Variants in APOO observed in about 807,000 individuals in gnomAD.
APOO encodes apolipoprotein O.
A neutral mutation model predicts 23.1 loss-of-function variants in APOO; 11 were observed. The observed-to-expected ratio is 0.48, with a 90% CI of 0.30 to 0.79. The LOEUF is 0.79. APOO is among the 30% of genes least tolerant of loss of function. The pLI is 0.07. For synonymous variants in APOO, 59 were observed against 54.8 expected, an observed-to-expected ratio of 1.08 and a Z score of -0.34; for missense variants, 160 against 142.7, an observed-to-expected ratio of 1.12 and a Z score of -0.62.
chrX:23,840,491 G>A (rs920681054), intron 7 of APOO, 114 bp from the exon 8 acceptor site: 19 of 628,496 alleles, frequency 3.0e-5, no homozygotes, highest in Non-Finnish European at 4.0e-5. Context: ...GGGGGACAGG[G>A]TCAAACCATT....
At chrX:23,847,964 C>T (rs1764710640) in intron 7 of APOO, among the ~76,000 whole-genome samples, 1 of 108,827 alleles carries the variant, frequency 9.2e-6, no homozygotes, top group African/African-American at 3.3e-5. Context: ...GCAACCTCCG[C>T]CTCCTGGGTT....
chrX:23,843,799 G>T (rs1267835771), intron 7 of APOO, among the ~76,000 whole-genome samples: 1 of 110,718 alleles, frequency 9.0e-6, no homozygotes, highest in East Asian at 2.8e-4. Flanking sequence ...GGCCAGGCTG[G>T]TCTCAAGCTC....
At chrX:23,842,160 G>C (rs1262444798) in intron 7 of APOO, among the ~76,000 whole-genome samples, 2 of 111,380 alleles carry the variant, frequency 1.8e-5, no homozygotes, top group Non-Finnish European at 3.8e-5. Context: ...AGGCCGAGGC[G>C]GGTGGATCAC....
At chrX:23,861,021 T>A (rs1466263686) in intron 5 of APOO, among the ~76,000 whole-genome samples, 1 of 110,329 alleles carries the variant, frequency 9.1e-6, no homozygotes, top group East Asian at 2.9e-4. Context: ...GTGCCTGTGG[T>A]CCTAGCTACT....
intron 4 of APOO, among the ~76,000 whole-genome samples, chrX:23,870,583 C>T (rs901580779): frequency 1.2e-4 from 12 of 101,179 alleles, no homozygotes; most frequent in African/African-American, 4.4e-4. Context: ...TCCAGGAGTT[C>T]AAGAACAGCC....
chrX:23,881,099 G>A, intron 1 of APOO, 147 bp from the exon 2 acceptor site: 1 of 318,812 alleles, frequency 3.1e-6, no homozygotes, highest in Non-Finnish European at 5.2e-6. Flanking sequence ...TTTCAAGATG[G>A]AGTCTTGCTC....
At chrX:23,890,202 G>C (rs953882858) in intron 1 of APOO, among the ~76,000 whole-genome samples, 4 of 111,974 alleles carry the variant, frequency 3.6e-5, no homozygotes, top group Admixed American at 2.9e-4. Context: ...AAGAAACAGA[G>C]TGACTGGCCA....
chrX:23,902,075 GCTTGCTCCAAAAA>G (rs1379246825), intron 1 of APOO, among the ~76,000 whole-genome samples: 1 of 111,565 alleles, frequency 9.0e-6, no homozygotes, highest in Non-Finnish European at 1.9e-5. Context: ...AAGGCTGGCT[GCTTGCTCCAAAAA>G]CTAGATGCCT....
At chrX:23,837,243 G>A (rs1023670102) in intron 8 of APOO, 1 of 672,672 alleles carries the variant, frequency 1.5e-6, no homozygotes, top group Non-Finnish European at 2.3e-6. Context: ...GGCCCTTCAC[G>A]ATAACTGTGC....
chrX:23,865,817 T>C (rs1395835367), intron 5 of APOO, among the ~76,000 whole-genome samples: 1 of 111,351 alleles, frequency 9.0e-6, no homozygotes, highest in Non-Finnish European at 1.9e-5. Context: ...AAAGACCTGC[T>C]ATTGCACATG....
chrX:23,874,872 T>C (rs1925769380), intron 3 of APOO, among the ~76,000 whole-genome samples: 1 of 112,311 alleles, frequency 8.9e-6, no homozygotes, highest in Non-Finnish European at 1.9e-5. Flanking sequence ...AAACTGCCCA[T>C]TTGAAGCAAG....
intron 8 of APOO, chrX:23,839,981 A>G (rs1411887458): frequency 8.2e-6 from 1 of 122,268 alleles, no homozygotes; most frequent in Non-Finnish European, 1.6e-5. Flanking sequence ...GTGTTCACTG[A>G]GTATTAGATA....
Position 23,880,919 on chromosome X carries a change from T to C in APOO, c.43A>G (p.Ser15Gly). 1 of 1,189,949 alleles carries C rather than the reference T, an allele frequency of 8.4e-7. No individual in the cohort carries two copies. The highest frequency in any genetic ancestry group is 2.4e-5 in the Admixed American group (1 of 42,335). Reference protein sequence around the residue: ...IQRSVGPASLSLLTFKVYAAP... With the variant: ...IQRSVGPASLGLLTFKVYAAP... ...GCATAGACTTTGAAGGTGAGCAAGC[T>C]CAGGCTGGCTGGCCCCACGGACCTC... is the stretch of plus-strand genomic sequence containing the variant. Residue 15 changes from serine (S) to glycine (G), a missense_variant, in exon 2 of 9, where the codon AGC becomes GGC. Ser to Gly is a moderately conservative substitution (Grantham distance 56). Coordinates refer to ENST00000379226, the MANE Select transcript of APOO (RefSeq NM_024122.5).
chrX:23,867,685 G>A (rs1925408172), intron 5 of APOO, among the ~76,000 whole-genome samples: 1 of 111,201 alleles, frequency 9.0e-6, no homozygotes, highest in Non-Finnish European at 1.9e-5. Context: ...TGGGACTACA[G>A]ACACCTGCCA....
At position 23,876,575 on chromosome X, in the gene APOO, C is replaced by T. The variant is rs180754951; in HGVS notation, c.238-2118G>A. Among the ~76,000 whole-genome samples the T allele has an allele frequency of 9.7e-4, 107 of 110,312 alleles. 1 individual carries two copies. In the East Asian group the frequency reaches 0.019, roughly 20 times the overall value. Reference sequence around the variant, plus strand: ...CAGCACCTTGGGAGGCCGAGGTGGACGGATCACAAGGTCAAGAGATCAAGA... The same window carrying T: ...CAGCACCTTGGGAGGCCGAGGTGGATGGATCACAAGGTCAAGAGATCAAGA... On this transcript the variant is annotated intron_variant, in intron 3 of 8. Coordinates refer to ENST00000379226, the MANE Select transcript of APOO (RefSeq NM_024122.5).
chrX:23,843,555 G>T (rs773404844), intron 7 of APOO, among the ~76,000 whole-genome samples: 1 of 102,392 alleles, frequency 9.8e-6, no homozygotes, highest in Admixed American at 1.1e-4. Context: ...TTCTTACCAC[G>T]TCCATGAACA....
chrX:23,871,237 C>G lies in APOO; in HGVS notation c.293-2549G>C, dbSNP rs767164352. Among the ~76,000 whole-genome samples, 5 of 106,286 alleles carry G rather than the reference C, an allele frequency of 4.7e-5. No homozygotes were observed. In the East Asian group the frequency reaches 1.5e-3, roughly 31 times the overall value. 92.3% of individuals were successfully genotyped at this position (106,286 alleles called of 115,157 possible). Reference sequence around the variant, plus strand: ...AATTAGCCAGGTGTGGTGGCAGGCGCCTGTAGTCCCAGCTACTCGGGAGGC... The same window carrying G: ...AATTAGCCAGGTGTGGTGGCAGGCGGCTGTAGTCCCAGCTACTCGGGAGGC... On this transcript the variant is annotated intron_variant, in intron 4 of 8. Transcript: ENST00000379226.
intron 4 of APOO, among the ~76,000 whole-genome samples, chrX:23,869,215 G>A (rs1925489559): frequency 9.0e-6 from 1 of 110,643 alleles, no homozygotes; most frequent in Non-Finnish European, 1.9e-5. Flanking sequence ...GGCTGCAAGT[G>A]TCCAATTTTC....
chrX:23,903,331 C>T (rs1030621055), intron 1 of APOO, among the ~76,000 whole-genome samples: 2 of 108,587 alleles, frequency 1.8e-5, no homozygotes, highest in Non-Finnish European at 3.8e-5. Flanking sequence ...AACTGCGCCA[C>T]TGTACTCAAG....
Sources: allele counts gnomAD v4.1 joint callset (sites outside exome capture counted in the v4.1 genomes callset), GRCh38; gene constraint gnomAD v4.1.1; transcripts MANE v1.5; gene names NCBI Gene and HGNC (gene_info 2026-07-23, HGNC 2026-07-21).